Variants in RBFOX3 observed in about 807,000 individuals in gnomAD.
RBFOX3 encodes the protein RNA binding fox-1 homolog 3.
Under a neutral mutation model 48.7 loss-of-function variants are expected in RBFOX3, and 17 were observed. That is an observed-to-expected ratio of 0.35 (90% confidence interval 0.24 to 0.52). The LOEUF (loss-of-function observed/expected upper bound fraction) is 0.52, where lower values mean the gene tolerates loss of function less well. Ranked by LOEUF, RBFOX3 falls within the 20% of genes least tolerant of loss-of-function variation. RBFOX3 has a pLI of 0.94. For missense variants in RBFOX3, 382 were observed against 497.5 expected (o/e 0.77, Z 2.21); for synonymous variants, 212 against 209.5 (o/e 1.01, Z -0.10).
At chr17:79,120,137 G>T (rs1599524245) in intron 4 of RBFOX3, among the ~76,000 whole-genome samples, 1 of 152,196 alleles carries the variant, frequency 6.6e-6, no homozygotes, top group African/African-American at 2.4e-5. Flanking sequence ...ATGACCTCAT[G>T]TTGGACCAGC....
chr17:79,482,833 C>G lies in RBFOX3; in HGVS notation c.-319-235G>C, dbSNP rs2078955670. On this transcript the variant is annotated intron_variant, in intron 1 of 14. Transcript: ENST00000693108. This position sits in a 1 kb window ranked among gnomAD's most constrained non-coding sequence, Gnocchi z 4.1. ...AAAACACATCATTAGGACCCTATTGCCAAACAGCCACCGTGCAGTCCATCC... is the reference window on the plus strand; with the variant it reads ...AAAACACATCATTAGGACCCTATTGGCAAACAGCCACCGTGCAGTCCATCC... Among the ~76,000 whole-genome samples the G allele has an allele frequency of 6.6e-6, 1 of 151,874 alleles. No individual in the cohort carries two copies. The highest frequency in any genetic ancestry group is 1.5e-5 in the Non-Finnish European group (1 of 67,938).
At chr17:79,318,779 C>T (rs1332725315) in intron 2 of RBFOX3, among the ~76,000 whole-genome samples, 3 of 141,698 alleles carry the variant, frequency 2.1e-5, no homozygotes, top group Admixed American at 7.7e-5. Flanking sequence ...GGTGTGAACC[C>T]GGGAGGCAAA....
chr17:79,276,072 A>G, intron 3 of RBFOX3, among the ~76,000 whole-genome samples: 1 of 152,326 alleles, frequency 6.6e-6, no homozygotes, highest in East Asian at 1.9e-4. Context: ...CACATGCTGC[A>G]CCGTGGATGA....
At position 79,311,951 on chromosome 17, in the gene RBFOX3, GC is replaced by G. The variant is rs2076914857; in HGVS notation, c.-174-4128del. ...AACCCAGGTGCCAGCTTCAGCTCGG[GC>G]CTGAAAATCCCTCCCCGTCAGAGCT... On this transcript the variant is annotated intron_variant, in intron 2 of 14. Transcript: ENST00000693108. This position sits in a 1 kb window ranked among gnomAD's most constrained non-coding sequence, Gnocchi z 4.2. 6.6e-6 allele frequency among the ~76,000 whole-genome samples: 1 copy of G among 152,158 alleles called. No homozygotes were observed. Among genetic ancestry groups the G allele is most frequent in the African/African-American group, 2.4e-5 (1 of 41,442 alleles).
At position 79,361,769 on chromosome 17, in the gene RBFOX3, C is replaced by T. The variant is rs1031375572; in HGVS notation, c.-174-53945G>A. Among the ~76,000 whole-genome samples the T allele has an allele frequency of 6.6e-6, 1 of 152,232 alleles. No individual in the cohort carries two copies. The highest frequency in any genetic ancestry group is 6.5e-5 in the Admixed American group (1 of 15,286). On this transcript the variant is annotated intron_variant, in intron 2 of 14. Transcript: ENST00000693108. The surrounding 1 kb of genome is among the most constrained non-coding windows in gnomAD (Gnocchi z 4.5). ...GGGGTACCCAGTGTAACTGCCTGCA[C>T]TTATTTATTTAGAGAAGCAGAGGAA...
chr17:79,287,431 T>C (rs766643573), intron 3 of RBFOX3, among the ~76,000 whole-genome samples: 2 of 151,892 alleles, frequency 1.3e-5, no homozygotes, highest in Non-Finnish European at 2.9e-5. Flanking sequence ...GGGGGTAGAG[T>C]GGGGTGTTGA....
chr17:79,568,950 C>T (rs2092566891), intron 1 of RBFOX3, among the ~76,000 whole-genome samples: 1 of 152,086 alleles, frequency 6.6e-6, no homozygotes, highest in African/African-American at 2.4e-5. Flanking sequence ...TGGGGGCTAC[C>T]TCCCCACTAG....
intron 4 of RBFOX3, among the ~76,000 whole-genome samples, chr17:79,229,046 G>A (rs2060669903): frequency 1.3e-5 from 2 of 151,442 alleles, no homozygotes; most frequent in East Asian, 1.9e-4. Context: ...GGCCAATATG[G>A]TGAAATCCCA....
At chr17:79,548,249 T>G (rs1249165359) in intron 1 of RBFOX3, among the ~76,000 whole-genome samples, 1 of 152,102 alleles carries the variant, frequency 6.6e-6, no homozygotes, top group Non-Finnish European at 1.5e-5. Context: ...CCAGCCTGGC[T>G]CACAGCAGAG....
intron 1 of RBFOX3, among the ~76,000 whole-genome samples, chr17:79,539,298 G>A (rs1481724374): frequency 6.6e-6 from 1 of 152,218 alleles, no homozygotes; most frequent in Non-Finnish European, 1.5e-5. Flanking sequence ...GCTGCAGTGA[G>A]CCATGATCGT....
intron 2 of RBFOX3, among the ~76,000 whole-genome samples, chr17:79,367,441 C>T (rs755706390): frequency 3.3e-5 from 5 of 151,830 alleles, no homozygotes; most frequent in Middle Eastern, 3.4e-3. Flanking sequence ...TTCTTCAAAA[C>T]GCAAATCACA....
chr17:79,154,487 C>T (rs370824533), intron 4 of RBFOX3, among the ~76,000 whole-genome samples: 8 of 152,258 alleles, frequency 5.3e-5, no homozygotes, highest in East Asian at 1.9e-4. Flanking sequence ...CCTAAGTGGA[C>T]GAGTGGGGAA....
chr17:79,244,674 T>C (rs1226093741), intron 3 of RBFOX3, among the ~76,000 whole-genome samples: 1 of 148,732 alleles, frequency 6.7e-6, no homozygotes, highest in Admixed American at 6.7e-5. Flanking sequence ...ACACAAACAC[T>C]GTCACAGGTG....
chr17:79,408,043 C>T lies in RBFOX3; in HGVS notation c.-175+74411G>A, dbSNP rs554312429. ...CTCTGGAGCCCGCCAGCCCCACTTC[C>T]GATCCTGCCCTGACGCTTGCCAGCT... On this transcript the variant is annotated intron_variant, in intron 2 of 14. Coordinates refer to ENST00000693108, the MANE Select transcript of RBFOX3 (RefSeq NM_001350451.2). Among the ~76,000 whole-genome samples, 5 of 152,266 alleles carry T rather than the reference C, an allele frequency of 3.3e-5. No homozygotes were observed. The South Asian group carries it at 6.2e-4, about 19-fold the overall frequency.
rs118106949 is a variant in RBFOX3, at chr17:79,107,413, G to A, written c.223-625C>T. Among the ~76,000 whole-genome samples the A allele has an allele frequency of 7.9e-4, 120 of 152,348 alleles. No homozygotes were observed. The East Asian group carries it at 9.4e-3, about 12-fold the overall frequency. On this transcript the variant is annotated intron_variant, in intron 5 of 14. Coordinates refer to ENST00000693108, the MANE Select transcript of RBFOX3 (RefSeq NM_001350451.2). Reference sequence around the variant, plus strand: ...TAGCCCCCATTTGGACCCAAATACTGGTGGGCAGATGGGCTCCCAAAGACT... The same window carrying A: ...TAGCCCCCATTTGGACCCAAATACTAGTGGGCAGATGGGCTCCCAAAGACT...
At chr17:79,571,920 C>A (rs1052791679) in intron 1 of RBFOX3, among the ~76,000 whole-genome samples, 12 of 152,282 alleles carry the variant, frequency 7.9e-5, no homozygotes, top group South Asian at 4.1e-4. Context: ...TCACCTCCCC[C>A]CAGCGTCCTA....
At chr17:79,228,496 G>A (rs965676835) in intron 4 of RBFOX3, among the ~76,000 whole-genome samples, 6 of 152,098 alleles carry the variant, frequency 3.9e-5, no homozygotes, top group East Asian at 1.9e-4. Flanking sequence ...ATTGTCCTCC[G>A]ATCCCATCTC....
At chr17:79,518,751 G>C (rs1009704640) in intron 1 of RBFOX3, among the ~76,000 whole-genome samples, 1 of 152,266 alleles carries the variant, frequency 6.6e-6, no homozygotes, top group Non-Finnish European at 1.5e-5. Context: ...ACGGTGCAGA[G>C]TAGGGGTCAA....
chr17:79,356,347 AGTTTTTT>A (rs2084997478), intron 2 of RBFOX3, among the ~76,000 whole-genome samples: 1 of 66,952 alleles, frequency 1.5e-5, no homozygotes, highest in African/African-American at 5.2e-5. Context: ...AAAACAGGGA[AGTTTTTT>A]TTTTTTTTTT....
Sources: gnomAD v4.1 joint callset for allele counts (sites outside exome capture counted in the v4.1 genomes callset) on GRCh38, gnomAD v4.1.1 for gene constraint, Gnocchi (gnomAD v3.1) non-coding constraint, MANE v1.5 for transcripts, NCBI Gene and HGNC (gene_info 2026-07-23, HGNC 2026-07-21) for gene names.